Variants in NENF observed in about 807,000 individuals in gnomAD.
The protein encoded by NENF is neudesin.
NENF carries 6 observed loss-of-function variants against 14.8 expected under a neutral mutation model. The ratio of observed to expected loss-of-function variants is 0.40; its 90% CI spans 0.22 to 0.80. NENF has a LOEUF of 0.80. Among genes scored for constraint, NENF ranks in the 30% least tolerant of loss-of-function variants. NENF has a pLI of 0.34. For missense variants in NENF, 184 were observed against 212.7 expected, an observed-to-expected ratio of 0.87 and a Z score of 0.84; for synonymous variants, 76 against 95.1, an observed-to-expected ratio of 0.80 and a Z score of 1.17.
At chr1:212,443,029 C>T (rs1662721465) in intron 2 of NENF, among the ~76,000 whole-genome samples, 1 of 152,194 alleles carries the variant, frequency 6.6e-6, no homozygotes, top group Non-Finnish European at 1.5e-5. Flanking sequence ...GTGTGAGCCA[C>T]CACACCTGGC....
intron 1 of NENF, among the ~76,000 whole-genome samples, chr1:212,439,964 A>G (rs1440139906): frequency 6.6e-6 from 1 of 152,108 alleles, no homozygotes; most frequent in Admixed American, 6.6e-5. Flanking sequence ...ATAGAAAATA[A>G]GTGTCGGCTG....
chr1:212,438,491 G>T (rs899327531), intron 1 of NENF, among the ~76,000 whole-genome samples: 3 of 152,072 alleles, frequency 2.0e-5, no homozygotes, highest in African/African-American at 4.8e-5. Context: ...CTACAAAATG[G>T]GTATAGTAAT....
intron 1 of NENF, among the ~76,000 whole-genome samples, chr1:212,436,643 C>A (rs1005975120): frequency 1.3e-5 from 2 of 152,120 alleles, no homozygotes; most frequent in African/African-American, 4.8e-5. Flanking sequence ...TTAGGCCCAC[C>A]CAGATTATCT....
chr1:212,437,443 A>T (rs754805348), intron 1 of NENF, among the ~76,000 whole-genome samples: 1 of 152,074 alleles, frequency 6.6e-6, no homozygotes, highest in African/African-American at 2.4e-5. Flanking sequence ...GACCCCCAAG[A>T]GTTTCTGCTG....
intron 3 of NENF, among the ~76,000 whole-genome samples, 169 bp from the exon 4 acceptor site, chr1:212,445,661 C>T (rs376011140): frequency 6.6e-6 from 1 of 151,726 alleles, no homozygotes; most frequent in East Asian, 1.9e-4. Flanking sequence ...ACCCCCACGC[C>T]CCCCCCACAG....
intron 2 of NENF, 69 bp from the exon 3 acceptor site, chr1:212,444,270 C>A: frequency 5.8e-6 from 6 of 1,030,690 alleles, no homozygotes; most frequent in Non-Finnish European, 8.3e-6. Context: ...GGAGCGCCCC[C>A]ACGTGCAAGC....
At chr1:212,438,999 A>C (rs1662651764) in intron 1 of NENF, among the ~76,000 whole-genome samples, 1 of 151,960 alleles carries the variant, frequency 6.6e-6, no homozygotes, top group African/African-American at 2.4e-5. Context: ...CAGGCCTGAG[A>C]GTCTGTGCCT....
intron 2 of NENF, 54 bp from the exon 3 acceptor site, chr1:212,444,280 CTCCTG>C: frequency 8.2e-7 from 1 of 1,218,372 alleles, no homozygotes; most frequent in Non-Finnish European, 1.1e-6. Flanking sequence ...CACGTGCAAG[CTCCTG>C]GTTACTCTGC....
chr1:212,437,716 C>T (rs1378208990), intron 1 of NENF, among the ~76,000 whole-genome samples: 1 of 152,174 alleles, frequency 6.6e-6, no homozygotes, highest in Non-Finnish European at 1.5e-5. Context: ...CACAGAGCCA[C>T]ACTGTGTTCT....
At chr1:212,437,994 A>T (rs12041303) in intron 1 of NENF, among the ~76,000 whole-genome samples, 1 of 152,080 alleles carries the variant, frequency 6.6e-6, no homozygotes, top group African/African-American at 2.4e-5. Context: ...TCTCTATTTT[A>T]AAAAAGAAAA....
In NENF at chr1:212,433,114, G is replaced by A; in HGVS notation, c.171G>A (p.Gly57=). 1 of 1,194,038 alleles carries A rather than the reference G, an allele frequency of 8.4e-7. No homozygotes were observed. The highest frequency in any genetic ancestry group is 1.0e-6 in the Non-Finnish European group (1 of 962,940). 74.0% of individuals were successfully genotyped at this position (1,194,038 alleles called of 1,614,324 possible). A position where few individuals can be genotyped will look rare whatever the true frequency, so the allele number is the denominator to read the frequency against. The change falls in exon 1 of 4, where the codon GGG becomes GGA. Residue 57 remains glycine (G), a synonymous_variant. Transcript: ENST00000366988. The surrounding 1 kb of genome is among the most constrained non-coding windows in gnomAD (Gnocchi z 5.5). ...FTEEELARYG[G]EEEDQPIYLA... is the part of the protein sequence containing the mutation. ...AGGAGGAGCTGGCCCGCTATGGCGG[G>A]GAGGAGGTAGGCGGGGGTGTCGCGG...
In NENF at chr1:212,445,899, C is replaced by T. The variant is rs753436517; in HGVS notation, c.412C>T (p.Pro138Ser). The T allele has an allele frequency of 6.2e-6, 10 of 1,614,008 alleles. No homozygotes were observed. Among genetic ancestry groups the T allele is most frequent in the African/African-American group, 1.3e-5 (1 of 74,888 alleles). The stretch of plus-strand genomic sequence containing the variant: ...CACCAAAGTGTACAAAGCCAAATAC[C>T]CCATCGTCGGCTACACTGCCCGGAG... Reference protein sequence around the residue: ...VFTKVYKAKYPIVGYTARRIL... With the variant: ...VFTKVYKAKYSIVGYTARRIL... The change falls in exon 4 of 4, where the codon CCC (proline) becomes TCC (serine). Residue 138 changes from proline (P) to serine (S), a missense_variant. Transcript: ENST00000366988.
rs368854305 is a variant in NENF at position 212,444,478 on chromosome 1, C to T, written c.342+36C>T. On this transcript the variant is annotated intron_variant, in intron 3 of 3. Transcript: ENST00000366988. ...TTATAAGCCTTTGTAAAATCCTCTA[C>T]CTCCTTGTCCATGCCTTTTTCTCTT... 2.8e-6 allele frequency: 4 copies of T among 1,408,218 alleles called. No homozygotes were observed. The African/African-American group carries it at 5.8e-5, about 21-fold the overall frequency. The allele number at this position is 1,408,218 out of a possible 1,614,324, so 87.2% of individuals were successfully genotyped here.
chr1:212,433,570 T>C lies in NENF; in HGVS notation c.177+450T>C, dbSNP rs1662556385. Among the ~76,000 whole-genome samples the C allele has an allele frequency of 6.6e-6, 1 of 151,876 alleles. No homozygotes were observed. Among genetic ancestry groups the C allele is most frequent in the Admixed American group, 6.6e-5 (1 of 15,252 alleles). On this transcript the variant is annotated intron_variant, in intron 1 of 3. Coordinates refer to ENST00000366988, the MANE Select transcript of NENF (RefSeq NM_013349.5). This position sits in a 1 kb window ranked among gnomAD's most constrained non-coding sequence, Gnocchi z 5.5. Reference sequence around the variant, plus strand: ...TGAGACAGGTCCTGGGATAAGCCAGTCTTTGCCTGCACTTCCTTTTCCTGC... The same window carrying C: ...TGAGACAGGTCCTGGGATAAGCCAGCCTTTGCCTGCACTTCCTTTTCCTGC...
At chr1:212,437,038 A>G (rs578180439) in intron 1 of NENF, among the ~76,000 whole-genome samples, 1 of 152,262 alleles carries the variant, frequency 6.6e-6, no homozygotes, top group East Asian at 1.9e-4. Flanking sequence ...AGGGCTTAGC[A>G]CCGTAAGTCT....
In NENF at chr1:212,446,170, G is replaced by T; in HGVS notation, c.*164G>T. On this transcript the variant is annotated 3_prime_UTR_variant, in exon 4 of 4. Transcript: ENST00000366988. The stretch of plus-strand genomic sequence containing the variant: ...ATGCCTCCTGTTGTCCTTGGTCAGG[G>T]GTTCTGTCTACCTGGGGACCCCTGT... The T allele has an allele frequency of 1.5e-6, 1 of 687,534 alleles. No individual in the cohort carries two copies. The highest frequency in any genetic ancestry group is 1.8e-5 in the African/African-American group (1 of 55,376). 42.6% of individuals were successfully genotyped at this position (687,534 alleles called of 1,614,324 possible).
At chr1:212,441,249 T>C (rs1662694250) in intron 1 of NENF, among the ~76,000 whole-genome samples, 1 of 152,144 alleles carries the variant, frequency 6.6e-6, no homozygotes, top group African/African-American at 2.4e-5. Flanking sequence ...AGTGATTAAG[T>C]TTTCATATAC....
intron 1 of NENF, among the ~76,000 whole-genome samples, chr1:212,435,396 G>A (rs1018224670): frequency 6.6e-6 from 1 of 152,006 alleles, no homozygotes; most frequent in Non-Finnish European, 1.5e-5. Context: ...AATGGAGTGA[G>A]TGGCTTTTCA....
intron 1 of NENF, among the ~76,000 whole-genome samples, chr1:212,436,924 C>CAAAAAA (rs35648109): frequency 2.4e-5 from 2 of 81,862 alleles, no homozygotes; most frequent in African/African-American, 8.4e-5. Flanking sequence ...TCACCTCTAC[C>CAAAAAA]AAAAAAAAAA....
Sources: gnomAD v4.1 joint callset for allele counts (sites outside exome capture counted in the v4.1 genomes callset) on GRCh38, gnomAD v4.1.1 for gene constraint, Gnocchi (gnomAD v3.1) non-coding constraint, MANE v1.5 for transcripts, NCBI Gene and HGNC (gene_info 2026-07-23, HGNC 2026-07-21) for gene names.